The following UBE2G1 variants were observed in gnomAD, a reference collection of about 807,000 sequenced individuals.
The protein encoded by UBE2G1 is ubiquitin-conjugating enzyme E2 G1.
Under a neutral mutation model 22.7 loss-of-function variants are expected in UBE2G1, and 5 were observed. The observed-to-expected ratio is 0.22, with a 90% CI of 0.12 to 0.46. UBE2G1 has a LOEUF of 0.46. UBE2G1 is among the 20% of genes least tolerant of loss of function. The pLI, the probability that UBE2G1 is intolerant of heterozygous loss-of-function variation, is 0.99. For missense variants in UBE2G1, 88 were observed against 203.9 expected, an observed-to-expected ratio of 0.43 and a Z score of 3.46; for synonymous variants, 74 against 67.5, an observed-to-expected ratio of 1.10 and a Z score of -0.47.
intron 1 of UBE2G1, among the ~76,000 whole-genome samples, chr17:4,317,305 G>C (rs552826492): frequency 6.6e-6 from 1 of 152,256 alleles, no homozygotes; most frequent in South Asian, 2.1e-4. Context: ...AGCTGAGATC[G>C]TGTCACTGCA....
chr17:4,357,511 G>GT (rs1349660027), intron 1 of UBE2G1, among the ~76,000 whole-genome samples: 1 of 84,866 alleles, frequency 1.2e-5, no homozygotes, highest in Non-Finnish European at 2.5e-5. Flanking sequence ...GTGTGTGTGG[G>GT]GGGGGGGGGT....
At chr17:4,273,239 C>A (rs1198702121) in intron 5 of UBE2G1, among the ~76,000 whole-genome samples, 2 of 152,246 alleles carry the variant, frequency 1.3e-5, no homozygotes, top group Non-Finnish European at 2.9e-5. Context: ...TGAATGCTCA[C>A]AATCATCATT....
chr17:4,291,962 C>T (rs368290837), intron 3 of UBE2G1, among the ~76,000 whole-genome samples: 1 of 152,078 alleles, frequency 6.6e-6, no homozygotes, highest in Non-Finnish European at 1.5e-5. Context: ...TCTTAGTTTT[C>T]CCCATATAAT....
intron 1 of UBE2G1, among the ~76,000 whole-genome samples, chr17:4,317,365 A>T (rs1458002525): frequency 6.6e-6 from 1 of 152,140 alleles, no homozygotes; most frequent in Non-Finnish European, 1.5e-5. Flanking sequence ...AGAAAAAAAA[A>T]AATTAGCCGG....
intron 5 of UBE2G1, among the ~76,000 whole-genome samples, chr17:4,276,566 T>G (rs996916704): frequency 2.0e-5 from 3 of 152,242 alleles, no homozygotes; most frequent in African/African-American, 7.2e-5. Context: ...TCGCATTCTA[T>G]GTGTTCCTTC....
chr17:4,277,847 A>G (rs1346774964), intron 5 of UBE2G1, among the ~76,000 whole-genome samples: 2 of 152,232 alleles, frequency 1.3e-5, no homozygotes, highest in African/African-American at 4.8e-5. Context: ...CCAGCCTTCA[A>G]GAAGAGACAG....
At chr17:4,315,723 G>A (rs1222616564) in intron 1 of UBE2G1, among the ~76,000 whole-genome samples, 4 of 147,994 alleles carry the variant, frequency 2.7e-5, no homozygotes, top group African/African-American at 1.0e-4. Flanking sequence ...CTGGGCGAAA[G>A]AGCGAGACTC....
At chr17:4,357,693 C>G (rs1020369416) in intron 1 of UBE2G1, among the ~76,000 whole-genome samples, 2 of 151,986 alleles carry the variant, frequency 1.3e-5, no homozygotes, top group African/African-American at 4.8e-5. Flanking sequence ...TCTGTCATTT[C>G]AAGAATTTTA....
At chr17:4,314,402 G>A (rs1715458861) in intron 1 of UBE2G1, among the ~76,000 whole-genome samples, 1 of 152,176 alleles carries the variant, frequency 6.6e-6, no homozygotes. Flanking sequence ...AAATATGCAA[G>A]TTTAAATCCA....
Position 4,289,386 on chromosome 17 carries a change from G to A in UBE2G1, c.270C>T (p.Cys90=). ...HPNVDKNGDV[C]ISILHEPGED... is the part of the protein sequence containing the mutation. ...CCCCAGGCTCATGAAGAATAGAAAT[G>A]CACACATCACCATTTTTATCAACTG... Residue 90 remains cysteine, a synonymous_variant, in exon 4 of 6, where the codon TGC becomes TGT. Transcript: ENST00000396981. 6.5e-7 allele frequency: 1 copy of A among 1,539,040 alleles called. No homozygotes were observed. The highest frequency in any genetic ancestry group is 8.8e-7 in the Non-Finnish European group (1 of 1,141,924).
chr17:4,274,364 A>G (rs904578306), intron 5 of UBE2G1, among the ~76,000 whole-genome samples: 1 of 151,924 alleles, frequency 6.6e-6, no homozygotes, highest in African/African-American at 2.4e-5. Flanking sequence ...TGCCCGGCTA[A>G]TTTTTTGTAT....
At chr17:4,297,805 T>C (rs552498038) in intron 2 of UBE2G1, among the ~76,000 whole-genome samples, 73 of 152,240 alleles carry the variant, frequency 4.8e-4, no homozygotes, top group Non-Finnish European at 8.5e-4. Context: ...TTTAAATTTC[T>C]TTATTGCAGT....
intron 1 of UBE2G1, among the ~76,000 whole-genome samples, chr17:4,365,461 G>T (rs1175469334): frequency 6.6e-6 from 1 of 152,226 alleles, no homozygotes; most frequent in Non-Finnish European, 1.5e-5. Context: ...GGGGGCCGCA[G>T]GCTCCTCGGG....
intron 1 of UBE2G1, among the ~76,000 whole-genome samples, chr17:4,308,104 A>C (rs952265437): frequency 6.6e-6 from 1 of 152,240 alleles, no homozygotes; most frequent in Non-Finnish European, 1.5e-5. Flanking sequence ...CTGTAATCCC[A>C]GCACTTTGGG....
intron 1 of UBE2G1, among the ~76,000 whole-genome samples, chr17:4,315,967 C>A (rs949051062): frequency 1.3e-5 from 2 of 150,906 alleles, no homozygotes; most frequent in African/African-American, 4.9e-5. Flanking sequence ...ACCACCACGC[C>A]CGGCTAATTT....
intron 2 of UBE2G1, among the ~76,000 whole-genome samples, chr17:4,299,335 G>A (rs757745535): frequency 2.0e-5 from 3 of 151,982 alleles, no homozygotes; most frequent in Non-Finnish European, 2.9e-5. Flanking sequence ...GGAGGTGGAG[G>A]GTGCAGTGAG....
chr17:4,328,702 T>C (rs574006430), intron 1 of UBE2G1, among the ~76,000 whole-genome samples: 32 of 152,272 alleles, frequency 2.1e-4, no homozygotes, highest in African/African-American at 7.7e-4. Flanking sequence ...CCTAAGCACG[T>C]AGAAAATTGG....
chr17:4,310,265 ATCT>A (rs1254177567), intron 1 of UBE2G1, among the ~76,000 whole-genome samples: 1 of 152,200 alleles, frequency 6.6e-6, no homozygotes, highest in Non-Finnish European at 1.5e-5. Context: ...GTCTATCTAC[ATCT>A]TCTGGCACTT....
chr17:4,357,092 C>T (rs1395055487), intron 1 of UBE2G1, among the ~76,000 whole-genome samples: 1 of 152,006 alleles, frequency 6.6e-6, no homozygotes, highest in African/African-American at 2.4e-5. Flanking sequence ...TTTTCAATTA[C>T]TTGTGGTCAA....
Sources: allele counts gnomAD v4.1 joint callset (sites outside exome capture counted in the v4.1 genomes callset), GRCh38; gene constraint gnomAD v4.1.1; transcripts MANE v1.5; gene names NCBI Gene and HGNC (gene_info 2026-07-23, HGNC 2026-07-21).